Variants in RALGDS observed in about 807,000 individuals in gnomAD.
The protein encoded by RALGDS is ral guanine nucleotide exchange factor.
Under a neutral mutation model 99.8 loss-of-function variants are expected in RALGDS, and 44 were observed. The observed-to-expected ratio is 0.44, with a 90% CI of 0.35 to 0.57. The LOEUF (loss-of-function observed/expected upper bound fraction) is 0.57. Ranked by LOEUF, RALGDS falls within the 20% of genes least tolerant of loss-of-function variation. RALGDS has a pLI of 0.01. For missense variants in RALGDS, 1,022 were observed against 1,203.1 expected, an observed-to-expected ratio of 0.85 and a Z score of 2.23; for synonymous variants, 529 against 505.0, an observed-to-expected ratio of 1.05 and a Z score of -0.64.
exon 1 of RALGDS, chr9:133,131,096 C>A: frequency 6.8e-7 from 1 of 1,462,618 alleles, no homozygotes; most frequent in Non-Finnish European, 9.0e-7. Context: ...GGCCCTGGGG[C>A]CCGGCTTCCC....
chr9:133,108,498 C>A, intron 5 of RALGDS, 92 bp from the exon 6 acceptor site: 1 of 1,446,220 alleles, frequency 6.9e-7, no homozygotes, highest in Non-Finnish European at 9.4e-7. Context: ...AAGCCTCTCT[C>A]CCCGAACCCA....
At chr9:133,130,418 G>T (rs994906771) in intron 1 of RALGDS, among the ~76,000 whole-genome samples, 3 of 152,160 alleles carry the variant, frequency 2.0e-5, no homozygotes, top group Non-Finnish European at 4.4e-5. Context: ...CCGGCCACAA[G>T]ATTTCATTTT....
At position 133,108,132 on chromosome 9, in the gene RALGDS, C is replaced by T; in HGVS notation, c.1053G>A (p.Leu351=). 1 of 1,610,674 alleles carries T rather than the reference C, an allele frequency of 6.2e-7. No homozygotes were observed. Among genetic ancestry groups the T allele is most frequent in the African/African-American group, 1.3e-5 (1 of 74,784 alleles). The change falls in exon 6 of 18, where the codon CTG becomes CTA. Residue 351 remains leucine (L), a synonymous_variant. Coordinates refer to ENST00000372050, the MANE Select transcript of RALGDS (RefSeq NM_006266.4). ...QDPAPSQTLE[L]EPAPAPVPSL... ...ATGGAACTGGTGCTGGAGCTGGCTCCAGCTCTAGAGTTTGTGAGGGAGCTG... is the reference window on the plus strand; with the variant it reads ...ATGGAACTGGTGCTGGAGCTGGCTCTAGCTCTAGAGTTTGTGAGGGAGCTG...
Position 133,107,971 on chromosome 9 carries a change from C to T in RALGDS, c.1197+17G>A, listed in dbSNP as rs780572334. ...GAAGGCAGGCCCACCCCTGCCCTGC[C>T]AAGCTGAGCTGCTCACCGCATCCAT... On this transcript the variant is annotated intron_variant, in intron 6 of 17. Transcript: ENST00000372050. 21 of 1,612,768 alleles carry T rather than the reference C, an allele frequency of 1.3e-5. No individual in the cohort carries two copies. The highest frequency in any genetic ancestry group is 1.7e-5 in the Non-Finnish European group (20 of 1,180,026).
intron 14 of RALGDS, 74 bp from the exon 15 acceptor site, chr9:133,102,213 G>A (rs1221814221): frequency 4.6e-5 from 67 of 1,465,670 alleles, no homozygotes; most frequent in Middle Eastern, 1.8e-4. Flanking sequence ...TGCACCCTGC[G>A]CCCAAGGACT....
chr9:133,111,969 G>T (rs536488781), intron 2 of RALGDS, 73 bp downstream of exon 2: 1 of 1,126,538 alleles, frequency 8.9e-7, no homozygotes, highest in Non-Finnish European at 1.3e-6. Flanking sequence ...TCAGAACTGG[G>T]GGCCCTCAAG....
At position 133,106,692 on chromosome 9, in the gene RALGDS, C is replaced by A; in HGVS notation, c.1470G>T (p.Gln490His). 6.2e-7 allele frequency: 1 copy of A among 1,612,912 alleles called. No homozygotes were observed. Among genetic ancestry groups the A allele is most frequent in the South Asian group, 1.1e-5 (1 of 90,906 alleles). Residue 490 changes from glutamine (Q) to histidine (H), a missense_variant, in exon 8 of 18, where the codon CAG (glutamine) becomes CAT (histidine). Gln to His is a conservative substitution (Grantham distance 24). Transcript: ENST00000372050. ...SSLYAILSAL[Q>H]SNSIHRLKKT... ...TCTTCAGACGGTGGATGGAGTTGCT[C>A]TGCAGGGCAGAGAGGATGGCATACA...
Position 133,121,002 on chromosome 9 carries a change from C to G in RALGDS, c.153G>C (p.Thr51=), listed in dbSNP as rs750736945. 2.2e-5 allele frequency: 33 copies of G among 1,496,448 alleles called. No individual in the cohort carries two copies. Among genetic ancestry groups the G allele is most frequent in the Non-Finnish European group, 2.6e-5 (29 of 1,129,888 alleles). 92.7% of individuals were successfully genotyped at this position (1,496,448 alleles called of 1,614,324 possible). A position where few individuals can be genotyped will look rare whatever the true frequency, so the allele number is the denominator to read the frequency against. Residue 51 remains threonine (T), a synonymous_variant, in exon 1 of 18, where the codon ACG becomes ACC. Coordinates refer to ENST00000372050, the MANE Select transcript of RALGDS (RefSeq NM_006266.4). ...GGCGCGGCAGGTCGGGGTCTAGCTG[C>G]GTGAAGCTGTGCAGCACCACCGGGC... ...DSCPVVLHSF[T]QLDPDLPRPE...
At chr9:133,125,161 CAT>C (rs902384236), upstream of RALGDS, among the ~76,000 whole-genome samples, 102 of 152,330 alleles carry the variant, frequency 6.7e-4, no homozygotes, top group African/African-American at 2.2e-3. Flanking sequence ...AACTATAAGA[CAT>C]GTGGATTGTC....
At chr9:133,126,526 G>A (rs764448174) in intron 1 of RALGDS, among the ~76,000 whole-genome samples, 2 of 152,224 alleles carry the variant, frequency 1.3e-5, no homozygotes. Flanking sequence ...GTTCCCAAGT[G>A]CCGCCGGAAG....
Position 133,103,803 on chromosome 9 carries a change from C to T in RALGDS, c.1702G>A (p.Gly568Ser). The T allele has an allele frequency of 6.2e-7, 1 of 1,613,328 alleles. No homozygotes were observed. Among genetic ancestry groups the T allele is most frequent in the Non-Finnish European group, 8.5e-7 (1 of 1,179,936 alleles). The change falls in exon 11 of 18, where the codon GGC becomes AGC. Residue 568 changes from glycine (G) to serine (S), a missense_variant. Gly to Ser is a moderately conservative substitution (Grantham distance 56). Transcript: ENST00000372050. Reference sequence around the variant, plus strand: ...ATCACCAGGTCGGTGAGGAACGTGCCCAGGTAGGGAACGGTGCCCTGGATG... The same window carrying T: ...ATCACCAGGTCGGTGAGGAACGTGCTCAGGTAGGGAACGGTGCCCTGGATG... ...GIIQGTVPYL[G>S]TFLTDLVMLD...
intron 1 of RALGDS, among the ~76,000 whole-genome samples, chr9:133,146,859 A>AT (rs1345807756): frequency 1.3e-5 from 2 of 152,322 alleles, no homozygotes; most frequent in East Asian, 3.9e-4. Context: ...AGAAGAACTG[A>AT]TGCCCTCAGT....
intron 1 of RALGDS, among the ~76,000 whole-genome samples, chr9:133,113,489 C>G (rs1831447586): frequency 6.6e-6 from 1 of 152,218 alleles, no homozygotes; most frequent in Admixed American, 6.5e-5. Flanking sequence ...CCGCCACCGC[C>G]TCTGGACAGA....
chr9:133,119,468 G>GGAGC (rs1413325760), intron 1 of RALGDS, among the ~76,000 whole-genome samples: 2 of 152,170 alleles, frequency 1.3e-5, no homozygotes. Flanking sequence ...GGCTGGGCAA[G>GGAGC]GAGCGCCAGG....
upstream of RALGDS, among the ~76,000 whole-genome samples, chr9:133,135,637 C>G (rs1164083678): frequency 6.6e-6 from 1 of 152,222 alleles, no homozygotes; most frequent in Non-Finnish European, 1.5e-5. Context: ...TGTCAGGAGT[C>G]TTGGGCCAAA....
chr9:133,106,069 G>A, intron 8 of RALGDS, 53 bp from the exon 9 acceptor site: 6 of 1,408,952 alleles, frequency 4.3e-6, no homozygotes, highest in African/African-American at 1.4e-5. Flanking sequence ...AGGGAGGGGT[G>A]TGAGTGCAAA....
intron 1 of RALGDS, among the ~76,000 whole-genome samples, chr9:133,126,310 C>G (rs896472060): frequency 6.6e-6 from 1 of 152,134 alleles, no homozygotes; most frequent in East Asian, 1.9e-4. Context: ...TTTCGGAAGT[C>G]GGGACGCTGC....
At position 133,106,871 on chromosome 9, in the gene RALGDS, A is replaced by C. The variant is rs1831088383; in HGVS notation, c.1414-123T>G. The C allele has an allele frequency of 3.2e-6, 3 of 923,690 alleles. No individual in the cohort carries two copies. In the Admixed American group the frequency reaches 6.1e-5, roughly 19 times the overall value. 57.2% of individuals were successfully genotyped at this position (923,690 alleles called of 1,614,324 possible). A position where few individuals can be genotyped will look rare whatever the true frequency, so the allele number is the denominator to read the frequency against. On this transcript the variant is annotated intron_variant, in intron 7 of 17. Transcript: ENST00000372050. Reference sequence around the variant, plus strand: ...GACACCCAGGGAGTCCCCAGAGGGCACGCCTGCGACCCGGGGGTGACAGGA... The same window carrying C: ...GACACCCAGGGAGTCCCCAGAGGGCCCGCCTGCGACCCGGGGGTGACAGGA...
intron 1 of RALGDS, among the ~76,000 whole-genome samples, chr9:133,118,341 C>A (rs930121805): frequency 6.6e-6 from 1 of 152,310 alleles, no homozygotes; most frequent in South Asian, 2.1e-4. Flanking sequence ...TGGGAAGACG[C>A]GGGAGGCTGA....
Sources: gnomAD v4.1 joint callset for allele counts (sites outside exome capture counted in the v4.1 genomes callset) on GRCh38, gnomAD v4.1.1 for gene constraint, MANE v1.5 for transcripts, NCBI Gene and HGNC (gene_info 2026-07-23, HGNC 2026-07-21) for gene names.